Variants in TMEM117 observed in about 807,000 individuals in gnomAD.
TMEM117 encodes the protein transmembrane protein 117.
Under a neutral mutation model 52.4 loss-of-function variants are expected in TMEM117, and 27 were observed. That is an observed-to-expected ratio of 0.51 (90% CI 0.38 to 0.71). The LOEUF (loss-of-function observed/expected upper bound fraction) is 0.71. Ranked by LOEUF, TMEM117 falls within the 30% of genes least tolerant of loss-of-function variation. TMEM117 has a pLI of 0.00. For missense variants in TMEM117, 556 were observed against 630.5 expected (o/e 0.88, Z 1.26); for synonymous variants, 215 against 206.3 (o/e 1.04, Z -0.36).
chr12:44,377,234 G>A (rs1296774536), intron 7 of TMEM117, among the ~76,000 whole-genome samples: 1 of 152,122 alleles, frequency 6.6e-6, no homozygotes, highest in Non-Finnish European at 1.5e-5. Context: ...ACTCTACCTT[G>A]ATCTTGTTCA....
At chr12:43,904,801 C>T (rs1944358240) in intron 2 of TMEM117, among the ~76,000 whole-genome samples, 1 of 152,216 alleles carries the variant, frequency 6.6e-6, no homozygotes. Flanking sequence ...CTTGTTGTTC[C>T]AGTTTCTTCA....
chr12:44,116,148 C>A (rs1441381296), intron 3 of TMEM117, among the ~76,000 whole-genome samples: 1 of 152,196 alleles, frequency 6.6e-6, no homozygotes, highest in Admixed American at 6.5e-5. Context: ...AATTTTCTCT[C>A]TTTAAGCATT....
intron 3 of TMEM117, among the ~76,000 whole-genome samples, chr12:44,005,776 G>A (rs376773023): frequency 1.8e-4 from 27 of 152,160 alleles, no homozygotes; most frequent in East Asian, 1.2e-3. Flanking sequence ...CCAGTGGAAG[G>A]TCATTGAATA....
chr12:43,812,908 A>T, the TMEM117 span, among the ~76,000 whole-genome samples: 1 of 150,466 alleles, frequency 6.6e-6, no homozygotes, highest in Admixed American at 6.6e-5. Context: ...TGGGAGGCTG[A>T]GGTGGGAGGA....
intron 3 of TMEM117, among the ~76,000 whole-genome samples, chr12:43,970,609 A>G (rs1362774422): frequency 6.6e-6 from 1 of 152,120 alleles, no homozygotes; most frequent in Admixed American, 6.5e-5. Flanking sequence ...ATTATAAAGT[A>G]TTGTTGTTAA....
Position 43,909,272 on chromosome 12 carries a change from A to C in TMEM117, c.278-34938A>C, listed in dbSNP as rs1279671566. ...ACTGGGTACATAACGAAATGAAGGC[A>C]GAAATAAAGATGTTCTTTGAAACCA... On this transcript the variant is annotated intron_variant, in intron 2 of 7. Transcript: ENST00000266534. Among the ~76,000 whole-genome samples the C allele has an allele frequency of 3.7e-5, 2 of 53,908 alleles. 1 individual carries two copies. Among genetic ancestry groups the C allele is most frequent in the Non-Finnish European group, 1.2e-4 (2 of 16,586 alleles). 35.4% of individuals were successfully genotyped at this position (53,908 alleles called of 152,430 possible).
chr12:43,894,616 A>C (rs1047310127), intron 2 of TMEM117, among the ~76,000 whole-genome samples: 1 of 151,798 alleles, frequency 6.6e-6, no homozygotes, highest in South Asian at 2.1e-4. Flanking sequence ...GTGTGTTCTC[A>C]TCATTTAGCT....
intron 3 of TMEM117, among the ~76,000 whole-genome samples, chr12:44,126,412 A>T (rs570037076): frequency 1.3e-5 from 2 of 152,250 alleles, no homozygotes; most frequent in South Asian, 2.1e-4. Flanking sequence ...ATAAGGTGGA[A>T]TTTCTCTCCC....
intron 4 of TMEM117, among the ~76,000 whole-genome samples, chr12:44,178,516 A>G (rs1949146859): frequency 6.6e-6 from 1 of 152,100 alleles, no homozygotes; most frequent in African/African-American, 2.4e-5. Flanking sequence ...TCATTGATTG[A>G]TATGTTAAAC....
chr12:43,918,789 C>T (rs1459234066), intron 2 of TMEM117, among the ~76,000 whole-genome samples: 3 of 152,186 alleles, frequency 2.0e-5, no homozygotes, highest in African/African-American at 2.4e-5. Flanking sequence ...TTAATATTCT[C>T]ACCATGCCTC....
At chr12:44,099,816 G>T (rs577495597) in intron 3 of TMEM117, among the ~76,000 whole-genome samples, 1 of 152,042 alleles carries the variant, frequency 6.6e-6, no homozygotes, top group South Asian at 2.1e-4. Flanking sequence ...ACTTTGAGAA[G>T]TCCACCAAAA....
chr12:43,838,248 G>T (rs1285866143), intron 1 of TMEM117, among the ~76,000 whole-genome samples: 1 of 151,882 alleles, frequency 6.6e-6, no homozygotes, highest in African/African-American at 2.4e-5. Context: ...CTCAGGACTG[G>T]TCTGTGTGTA....
At chr12:44,280,387 T>G (rs2138592449) in intron 5 of TMEM117, among the ~76,000 whole-genome samples, 1 of 152,346 alleles carries the variant, frequency 6.6e-6, no homozygotes, top group South Asian at 2.1e-4. Context: ...TCTCCCATGT[T>G]TTACTACCCA....
intron 4 of TMEM117, among the ~76,000 whole-genome samples, chr12:44,152,363 T>TCATATCATATAAATA (rs1243334762): frequency 9.5e-6 from 1 of 105,444 alleles, no homozygotes; most frequent in African/African-American, 4.2e-5. Context: ...TTTATATGTA[T>TCATATCATATAAATA]TATATCATAT....
At chr12:44,347,473 G>GTA (rs1210294224) in intron 6 of TMEM117, among the ~76,000 whole-genome samples, 1 of 151,934 alleles carries the variant, frequency 6.6e-6, no homozygotes, top group Non-Finnish European at 1.5e-5. Flanking sequence ...AGTTTCAATG[G>GTA]TATATATGTG....
intron 6 of TMEM117, among the ~76,000 whole-genome samples, chr12:44,351,621 T>C (rs1951563254): frequency 6.6e-6 from 1 of 151,944 alleles, no homozygotes; most frequent in South Asian, 2.1e-4. Context: ...GACTATCTTT[T>C]CCCCAGTGTA....
At chr12:44,242,099 A>G (rs539551507) in intron 5 of TMEM117, among the ~76,000 whole-genome samples, 2 of 149,158 alleles carry the variant, frequency 1.3e-5, no homozygotes, top group South Asian at 4.3e-4. Flanking sequence ...AAGTCTCATC[A>G]TGTTTTCCAG....
intron 6 of TMEM117, among the ~76,000 whole-genome samples, chr12:44,367,797 A>G (rs1951809953): frequency 2.0e-5 from 3 of 152,100 alleles, no homozygotes; most frequent in South Asian, 2.1e-4. Flanking sequence ...TGGTTCCCCA[A>G]TGTCTCCCTT....
intron 2 of TMEM117, among the ~76,000 whole-genome samples, chr12:43,874,824 A>G (rs1178710171): frequency 6.6e-6 from 1 of 152,196 alleles, no homozygotes; most frequent in Non-Finnish European, 1.5e-5. Context: ...TAATGTACTG[A>G]GTTCATTACC....
Sources: allele counts gnomAD v4.1 joint callset (sites outside exome capture counted in the v4.1 genomes callset), GRCh38; gene constraint gnomAD v4.1.1; transcripts MANE v1.5; gene names NCBI Gene and HGNC (gene_info 2026-07-23, HGNC 2026-07-21).